EPHA10: variants seen among roughly 807,000 people sequenced by gnomAD.
The protein encoded by EPHA10 is EPH receptor A10, also known as ephrin type-A receptor 10.
EPHA10 carries 120 observed loss-of-function variants against 109.7 expected under a neutral mutation model. That is an observed-to-expected ratio of 1.09 (90% CI 0.94 to 1.27). The LOEUF (loss-of-function observed/expected upper bound fraction) is 1.27. EPHA10 is among the 50% of genes most tolerant of loss of function. The probability of loss-of-function intolerance (pLI) is 0.00; values close to 1 mark genes in which losing one functional copy is unlikely to be tolerated. For missense variants in EPHA10, 1,396 were observed against 1,411.1 expected (o/e 0.99, Z 0.17); for synonymous variants, 640 against 618.9 (o/e 1.03, Z -0.51).
intron 5 of EPHA10, among the ~76,000 whole-genome samples, chr1:37,749,493 C>T (rs746253391): frequency 7.3e-5 from 11 of 151,528 alleles, no homozygotes; most frequent in Non-Finnish European, 1.5e-4. Context: ...GCCAACATGG[C>T]GAAACCCTGT....
rs1489889396 is a variant in EPHA10, at chr1:37,765,088, G to T, written c.-22C>A. ...CCATGGTCCGCAGACCGAGCTGTCA[G>T]TCCGGCGGCGGCTCAAGCCGCGCCA... On this transcript the variant is annotated 5_prime_UTR_variant, in exon 1 of 17. It adds an upstream start codon to the 5' untranslated region. Coordinates refer to ENST00000373048, the MANE Select transcript of EPHA10 (RefSeq NM_001099439.2). The T allele has an allele frequency of 1.3e-6, 2 of 1,566,638 alleles. No individual in the cohort carries two copies. The highest frequency in any genetic ancestry group is 1.7e-6 in the Non-Finnish European group (2 of 1,160,444).
chr1:37,755,903 G>T (rs1646389186), intron 3 of EPHA10, among the ~76,000 whole-genome samples: 1 of 152,178 alleles, frequency 6.6e-6, no homozygotes, highest in Non-Finnish European at 1.5e-5. Context: ...CTGCTCTCCA[G>T]CTCCAAGAAG....
chr1:37,762,666 G>A, intron 2 of EPHA10, 119 bp downstream of exon 2: 1 of 813,096 alleles, frequency 1.2e-6, no homozygotes, highest in Non-Finnish European at 1.8e-6. Context: ...AGCCAGGGCT[G>A]CTGGAGACCA....
intron 4 of EPHA10, among the ~76,000 whole-genome samples, chr1:37,753,673 GGTGAGTGGGA>G (rs1384325241): frequency 0.045 from 809 of 17,984 alleles, 18 homozygotes; most frequent in African/African-American, 0.087. Flanking sequence ...CGGGAGCAGG[GGTGAGTGGGA>G]GCAGGGGCGA....
chr1:37,736,852 G>C (rs1646079650), intron 5 of EPHA10, among the ~76,000 whole-genome samples: 2 of 152,100 alleles, frequency 1.3e-5, no homozygotes, highest in South Asian at 2.1e-4. Flanking sequence ...ACTTACGATA[G>C]CATCAAAAAT....
intron 3 of EPHA10, among the ~76,000 whole-genome samples, chr1:37,756,346 T>C (rs1048001945): frequency 3.9e-5 from 6 of 152,136 alleles, no homozygotes; most frequent in Non-Finnish European, 8.8e-5. Context: ...TTCACAAAAA[T>C]AGGGGAAGAA....
chr1:37,764,904 C>G lies in EPHA10; in HGVS notation c.106+57G>C. ...ACTCCTTCCCCCAGAACCCCCATCG[C>G]CAGCCCCCTATCTTTTGGTATGCCA... On this transcript the variant is annotated intron_variant, in intron 1 of 16. Transcript: ENST00000373048. This position sits in a 1 kb window ranked among gnomAD's most constrained non-coding sequence, Gnocchi z 5.8. 1 of 1,498,596 alleles carries G rather than the reference C, an allele frequency of 6.7e-7. No individual in the cohort carries two copies. The highest frequency in any genetic ancestry group is 9.1e-7 in the Non-Finnish European group (1 of 1,103,136). The allele number at this position is 1,498,596 out of a possible 1,614,324, so 92.8% of individuals were successfully genotyped here. A position where few individuals can be genotyped will look rare whatever the true frequency, so the allele number is the denominator to read the frequency against.
chr1:37,731,615 C>A, intron 6 of EPHA10, 33 bp from the exon 7 acceptor site: 1 of 1,573,264 alleles, frequency 6.4e-7, no homozygotes, highest in Non-Finnish European at 8.6e-7. Context: ...AGCCCACCAG[C>A]GCCAGATCCA....
chr1:37,751,007 C>A (rs1646313987), intron 5 of EPHA10, among the ~76,000 whole-genome samples: 1 of 149,070 alleles, frequency 6.7e-6, no homozygotes. Flanking sequence ...AGATCGAGAC[C>A]ATCCTGGCTA....
At chr1:37,757,667 T>TTC (rs768332938) in intron 3 of EPHA10, among the ~76,000 whole-genome samples, 25 of 151,186 alleles carry the variant, frequency 1.7e-4, no homozygotes, top group Non-Finnish European at 3.1e-4. Flanking sequence ...CTGAGTCTCT[T>TTC]TCTCTCTCTC....
At chr1:37,757,404 A>C (rs1401627808) in intron 3 of EPHA10, among the ~76,000 whole-genome samples, 2 of 152,168 alleles carry the variant, frequency 1.3e-5, no homozygotes, top group East Asian at 3.8e-4. Context: ...AATGTCCTCC[A>C]ACAGCTCCCC....
At chr1:37,749,410 C>T (rs1184188423) in intron 5 of EPHA10, among the ~76,000 whole-genome samples, 4 of 151,928 alleles carry the variant, frequency 2.6e-5, no homozygotes, top group African/African-American at 7.3e-5. Context: ...CGGTGGCTCA[C>T]GCCTGTAATC....
At chr1:37,745,716 G>A (rs985293184) in intron 5 of EPHA10, among the ~76,000 whole-genome samples, 1 of 152,114 alleles carries the variant, frequency 6.6e-6, no homozygotes, top group Non-Finnish European at 1.5e-5. Context: ...CAGGCGTGGT[G>A]GCACGCACCT....
intron 11 of EPHA10, among the ~76,000 whole-genome samples, chr1:37,721,427 CAA>C (rs71053991): frequency 2.9e-4 from 27 of 94,200 alleles, no homozygotes; most frequent in Non-Finnish European, 2.7e-4. Context: ...GACTCCATCT[CAA>C]AAAAAAAAAA....
chr1:37,757,333 G>A (rs544062958), intron 3 of EPHA10, among the ~76,000 whole-genome samples: 2 of 152,312 alleles, frequency 1.3e-5, no homozygotes, highest in Middle Eastern at 6.8e-3. Flanking sequence ...GTTAGCTGCA[G>A]AAGGCACTTG....
At chr1:37,736,342 T>G (rs1003759787) in intron 5 of EPHA10, among the ~76,000 whole-genome samples, 1 of 152,098 alleles carries the variant, frequency 6.6e-6, no homozygotes, top group African/African-American at 2.4e-5. Flanking sequence ...CCAGGCATGG[T>G]GGTACATGCC....
At chr1:37,731,252 CATTA>C (rs1444642984) in intron 7 of EPHA10, among the ~76,000 whole-genome samples, 155 bp downstream of exon 7, 1 of 151,574 alleles carries the variant, frequency 6.6e-6, no homozygotes, top group Non-Finnish European at 1.5e-5. Flanking sequence ...ATTTCAAAGT[CATTA>C]ATTAATTAGG....
At chr1:37,726,131 T>C (rs1645887777) in intron 8 of EPHA10, among the ~76,000 whole-genome samples, 1 of 152,234 alleles carries the variant, frequency 6.6e-6, no homozygotes, top group Admixed American at 6.5e-5. Context: ...CTTTCCTCCT[T>C]CTGCCTCTCA....
At chr1:37,736,579 G>A (rs1184671718) in intron 5 of EPHA10, among the ~76,000 whole-genome samples, 5 of 149,158 alleles carry the variant, frequency 3.4e-5, no homozygotes, top group East Asian at 2.0e-4. Flanking sequence ...ATGGTGGTGC[G>A]CGCCTGTAGT....
Sources: gnomAD v4.1 joint callset for allele counts (sites outside exome capture counted in the v4.1 genomes callset) on GRCh38, gnomAD v4.1.1 for gene constraint, Gnocchi (gnomAD v3.1) non-coding constraint, MANE v1.5 for transcripts, NCBI Gene and HGNC (gene_info 2026-07-23, HGNC 2026-07-21) for gene names.